The following LRIG1 variants were observed in gnomAD, a reference collection of about 807,000 sequenced individuals.
LRIG1 encodes the protein leucine-rich repeats and immunoglobulin-like domains protein 1.
Under a neutral mutation model 99.2 loss-of-function variants are expected in LRIG1, and 48 were observed. The ratio of observed to expected loss-of-function variants is 0.48; its 90% CI spans 0.38 to 0.62. The LOEUF (loss-of-function observed/expected upper bound fraction) is 0.62. Among genes scored for constraint, LRIG1 ranks in the 20% least tolerant of loss-of-function variants. The probability of loss-of-function intolerance (pLI) is 0.00; values close to 1 mark genes in which losing one functional copy is unlikely to be tolerated. For synonymous variants in LRIG1, 772 were observed against 596.1 expected, an observed-to-expected ratio of 1.29 and a Z score of -4.30; for missense variants, 1,646 against 1,434.4, an observed-to-expected ratio of 1.15 and a Z score of -2.38.
At chr3:66,393,901 A>G in intron 12 of LRIG1, 139 bp downstream of exon 12, 2 of 871,942 alleles carry the variant, frequency 2.3e-6, no homozygotes, top group South Asian at 1.7e-5. Flanking sequence ...TCAGCAAGAA[A>G]TAAATTGCAT....
chr3:66,485,712 TAAC>T, intron 1 of LRIG1, among the ~76,000 whole-genome samples: 1 of 152,100 alleles, frequency 6.6e-6, no homozygotes, highest in Non-Finnish European at 1.5e-5. Context: ...AACCACAACC[TAAC>T]AGAAACAATA....
At chr3:66,456,524 GACCA>G (rs1357930233) in intron 2 of LRIG1, among the ~76,000 whole-genome samples, 1 of 146,294 alleles carries the variant, frequency 6.8e-6, no homozygotes, top group Non-Finnish European at 1.5e-5. Flanking sequence ...AGTCAGCTAT[GACCA>G]TACCACTGCA....
intron 2 of LRIG1, among the ~76,000 whole-genome samples, chr3:66,453,832 G>A (rs770501454): frequency 8.5e-5 from 13 of 152,204 alleles, no homozygotes; most frequent in African/African-American, 2.2e-4. Flanking sequence ...GAAACAAAGC[G>A]TATGGACTTC....
At chr3:66,443,316 A>AGGGGATAAGTGAGGGGCG (rs2106783547) in intron 3 of LRIG1, among the ~76,000 whole-genome samples, 1 of 57,774 alleles carries the variant, frequency 1.7e-5, no homozygotes, top group African/African-American at 6.7e-5. Flanking sequence ...TGTTGGGGGC[A>AGGGGATAAGTGAGGGGCG]GGGGATGAGT....
chr3:66,483,320 T>TG (rs1700893774), intron 1 of LRIG1, among the ~76,000 whole-genome samples: 1 of 152,088 alleles, frequency 6.6e-6, no homozygotes, highest in South Asian at 2.1e-4. Context: ...TGTCTGAGGA[T>TG]GGGGGTGGGG....
chr3:66,448,105 G>C (rs1418046096), intron 3 of LRIG1, among the ~76,000 whole-genome samples: 2 of 152,194 alleles, frequency 1.3e-5, no homozygotes, highest in Non-Finnish European at 2.9e-5. Flanking sequence ...AAATAAATCT[G>C]TTCTTTGACA....
intron 9 of LRIG1, chr3:66,404,123 G>T: frequency 1.7e-6 from 1 of 580,214 alleles, no homozygotes; most frequent in Non-Finnish European, 2.8e-6. Context: ...ACCTTCTTCA[G>T]ACAGCCAACA....
At chr3:66,387,677 G>A (rs988990572) in intron 12 of LRIG1, 4 of 151,386 alleles carry the variant, frequency 2.6e-5, no homozygotes, top group African/African-American at 7.3e-5. Flanking sequence ...ACTCAAACAG[G>A]AAAAAAAGCA....
Position 66,384,286 on chromosome 3 carries a change from G to T in LRIG1, c.1790-14C>A. On this transcript the variant is annotated splice_polypyrimidine_tract_variant and intron_variant, in intron 13 of 18. Coordinates refer to ENST00000273261, the MANE Select transcript of LRIG1 (RefSeq NM_015541.3). ...ATGATGGCAACACTGGAAAACATAC[G>T]TATACAGGGTCGGGTTACGGGACAG... The T allele has an allele frequency of 6.2e-7, 1 of 1,604,686 alleles. No individual in the cohort carries two copies. Among genetic ancestry groups the T allele is most frequent in the South Asian group, 1.1e-5 (1 of 90,454 alleles).
intron 13 of LRIG1, 132 bp downstream of exon 13, chr3:66,385,849 T>G (rs1391419998): frequency 2.4e-6 from 2 of 838,978 alleles, no homozygotes; most frequent in South Asian, 3.5e-5. Flanking sequence ...CAGGCAACAA[T>G]AGGATTTAAC....
rs747902876 is a variant in LRIG1 at position 66,381,464 on chromosome 3, G to GGAAGCATCTCATAC, written c.2770+1_2770+14dup. 4.4e-6 allele frequency: 7 copies of GGAAGCATCTCATAC among 1,602,384 alleles called. No individual in the cohort carries two copies. The African/African-American group carries it at 8.0e-5, about 18-fold the overall frequency. On this transcript the variant is annotated intron_variant, in intron 17 of 18. Transcript: ENST00000273261. The stretch of plus-strand genomic sequence containing the variant: ...TTTCAGAAAGAAACTACTTCCAATG[G>GGAAGCATCTCATAC]GAAGCATCTCATACCCATCTTATGT...
chr3:66,383,302 A>C lies in LRIG1; in HGVS notation c.2171T>G (p.Ile724Ser), dbSNP rs1575643318. ...CKATGNPPPR[I>S]TWFKGDRPLS... ...CGGGCGGTCCCCCTTGAACCAGGTG[A>C]TGCGGGGCGGAGGGTTCCCCGTGGC... The change falls in exon 15 of 19, where the codon ATC (isoleucine) becomes AGC (serine). Residue 724 changes from isoleucine (I) to serine (S), a missense_variant. By Grantham distance (142) the Ile-to-Ser change is moderately radical. Transcript: ENST00000273261. 1.9e-6 allele frequency: 3 copies of C among 1,609,864 alleles called. No homozygotes were observed. Among genetic ancestry groups the C allele is most frequent in the Non-Finnish European group, 2.5e-6 (3 of 1,176,512 alleles).
At chr3:66,442,532 C>A (rs369683538) in intron 3 of LRIG1, among the ~76,000 whole-genome samples, 10 of 151,926 alleles carry the variant, frequency 6.6e-5, no homozygotes, top group Non-Finnish European at 1.3e-4. Flanking sequence ...CCCTTTCACA[C>A]GGGAGATTGT....
intron 2 of LRIG1, among the ~76,000 whole-genome samples, chr3:66,458,917 T>G (rs1338801329): frequency 6.8e-6 from 1 of 147,172 alleles, no homozygotes; most frequent in Non-Finnish European, 1.5e-5. Flanking sequence ...CCTGGGAGGC[T>G]AAGGCAGGGG....
chr3:66,394,503 A>G (rs1161841088), intron 11 of LRIG1, among the ~76,000 whole-genome samples: 1 of 152,246 alleles, frequency 6.6e-6, no homozygotes, highest in Non-Finnish European at 1.5e-5. Context: ...CAACTGGAGC[A>G]GCAGCAACGT....
At chr3:66,441,792 T>C (rs1302205596) in intron 3 of LRIG1, among the ~76,000 whole-genome samples, 1 of 152,204 alleles carries the variant, frequency 6.6e-6, no homozygotes, top group Non-Finnish European at 1.5e-5. Context: ...TACTTCCAAG[T>C]GTACAGTGAG....
At chr3:66,412,779 G>T in intron 6 of LRIG1, 92 bp downstream of exon 6, 1 of 1,452,686 alleles carries the variant, frequency 6.9e-7, no homozygotes, top group Non-Finnish European at 9.5e-7. Flanking sequence ...GTTGGTGTTG[G>T]TGCGCACATG....
In LRIG1 at chr3:66,412,937, A is replaced by G; in HGVS notation, c.725T>C (p.Leu242Pro). 1.9e-6 allele frequency: 3 copies of G among 1,614,214 alleles called. No homozygotes were observed. The highest frequency in any genetic ancestry group is 2.5e-6 in the Non-Finnish European group (3 of 1,180,028). The change falls in exon 6 of 19, where the codon CTT (leucine) becomes CCT (proline). Residue 242 changes from leucine (L) to proline (P), a missense_variant. By Grantham distance (98) the Leu-to-Pro change is moderately conservative (BLOSUM62 -3). Transcript: ENST00000273261. Reference protein sequence around the residue: ...QGLNSLEVLKLQRNNISKLTD... With the variant: ...QGLNSLEVLKPQRNNISKLTD... Reference sequence around the variant, plus strand: ...CAGTTTGCTGATGTTGTTTCGCTGAAGCTTCAGCACCTCCAAGCTGTTGAG... The same window carrying G: ...CAGTTTGCTGATGTTGTTTCGCTGAGGCTTCAGCACCTCCAAGCTGTTGAG...
rs539309994 is a variant in LRIG1 at position 66,414,147 on chromosome 3, C to T, written c.647+773G>A. Among the ~76,000 whole-genome samples the T allele has an allele frequency of 2.2e-4, 33 of 152,218 alleles. No individual in the cohort carries two copies. In the East Asian group the frequency reaches 4.8e-3, roughly 22 times the overall value. ...GTGCGGTGGCTCATGCCTGTAATCC[C>T]AGCACTTTGGGAGGCCAAGGCAGGC... On this transcript the variant is annotated intron_variant, in intron 5 of 18. Transcript: ENST00000273261.
Sources: allele counts gnomAD v4.1 joint callset (sites outside exome capture counted in the v4.1 genomes callset), GRCh38; gene constraint gnomAD v4.1.1; transcripts MANE v1.5; gene names NCBI Gene and HGNC (gene_info 2026-07-23, HGNC 2026-07-21).